Variants in GPR158 observed in about 807,000 individuals in gnomAD.
GPR158 encodes metabotropic glycine receptor.
A neutral mutation model predicts 78.2 loss-of-function variants in GPR158; 30 were observed. The ratio of observed to expected loss-of-function variants is 0.38; its 90% CI spans 0.29 to 0.52. GPR158 has a LOEUF of 0.52. Among genes scored for constraint, GPR158 ranks in the 20% least tolerant of loss-of-function variants. The pLI is 0.83. For missense variants in GPR158, 1,463 were observed against 1,523.5 expected (o/e 0.96, Z 0.66); for synonymous variants, 581 against 591.1 (o/e 0.98, Z 0.25).
At chr10:25,301,374 T>C (rs1272780732) in intron 2 of GPR158, among the ~76,000 whole-genome samples, 1 of 152,138 alleles carries the variant, frequency 6.6e-6, no homozygotes, top group African/African-American at 2.4e-5. Context: ...AGAAATGAAA[T>C]AGAGAATGTC....
chr10:25,462,655 C>A (rs1374026852), intron 4 of GPR158, among the ~76,000 whole-genome samples: 1 of 152,096 alleles, frequency 6.6e-6, no homozygotes, highest in African/African-American at 2.4e-5. Context: ...TTGATTCTAA[C>A]CCTCATGGAT....
intron 3 of GPR158, among the ~76,000 whole-genome samples, chr10:25,407,888 A>G (rs1241660760): frequency 6.6e-6 from 1 of 152,158 alleles, no homozygotes; most frequent in Admixed American, 6.5e-5. Context: ...TTAATTACAT[A>G]AAGCATATCA....
At position 25,598,062 on chromosome 10, in the gene GPR158, C is replaced by T. The variant is rs1448125210; in HGVS notation, c.2436C>T (p.Phe812=). The part of the protein sequence containing the change: ...SKEETLKNRV[F]SLKKSHSTYD... ...AGGAGACCCTGAAAAACCGAGTCTT[C>T]TCACTCAAGAAATCCCACAGCACTT... Residue 812 remains phenylalanine, a synonymous_variant, in exon 11 of 11, where the codon TTC becomes TTT. Transcript: ENST00000376351. The T allele has an allele frequency of 6.2e-7, 1 of 1,614,090 alleles. No individual in the cohort carries two copies. Among genetic ancestry groups the T allele is most frequent in the Admixed American group, 1.7e-5 (1 of 60,030 alleles).
At chr10:25,309,489 G>C (rs60484583) in intron 2 of GPR158, among the ~76,000 whole-genome samples, 2 of 151,756 alleles carry the variant, frequency 1.3e-5, no homozygotes, top group Non-Finnish European at 2.9e-5. Context: ...AAATTTTTCT[G>C]TTATTCCTTT....
chr10:25,399,018 T>C (rs1834405343), intron 3 of GPR158, among the ~76,000 whole-genome samples: 1 of 152,134 alleles, frequency 6.6e-6, no homozygotes, highest in Non-Finnish European at 1.5e-5. Context: ...TATGAAGAAA[T>C]AGTCAAGACT....
chr10:25,480,240 C>T (rs1024964802), intron 5 of GPR158, among the ~76,000 whole-genome samples: 2 of 152,002 alleles, frequency 1.3e-5, no homozygotes, highest in Non-Finnish European at 2.9e-5. Flanking sequence ...CTTATCTGCC[C>T]CCTTCCCACC....
intron 2 of GPR158, among the ~76,000 whole-genome samples, chr10:25,255,641 A>G (rs1032311994): frequency 6.6e-6 from 1 of 152,218 alleles, no homozygotes; most frequent in Non-Finnish European, 1.5e-5. Flanking sequence ...CTCAGCTTCT[A>G]GAGGCTGCCC....
At chr10:25,505,698 C>T (rs1175057203) in intron 5 of GPR158, among the ~76,000 whole-genome samples, 1 of 152,154 alleles carries the variant, frequency 6.6e-6, no homozygotes, top group Admixed American at 6.6e-5. Flanking sequence ...CTGTTAGCAC[C>T]CTCTACTCCA....
At chr10:25,489,039 T>C (rs80107520) in intron 5 of GPR158, among the ~76,000 whole-genome samples, 2,181 of 152,252 alleles carry the variant, frequency 0.014, 57 homozygotes, top group African/African-American at 0.047. Flanking sequence ...TTTTAATGTA[T>C]AACAAAATGC....
chr10:25,196,863 C>G (rs575992551), intron 1 of GPR158, among the ~76,000 whole-genome samples: 1 of 152,202 alleles, frequency 6.6e-6, no homozygotes, highest in Non-Finnish European at 1.5e-5. Flanking sequence ...ATTTAATCAC[C>G]TTGATGCCTG....
At chr10:25,337,177 A>G (rs1855220846) in intron 2 of GPR158, among the ~76,000 whole-genome samples, 1 of 152,110 alleles carries the variant, frequency 6.6e-6, no homozygotes, top group Non-Finnish European at 1.5e-5. Context: ...TTTAAGAAAG[A>G]CATACATATA....
intron 5 of GPR158, among the ~76,000 whole-genome samples, chr10:25,540,079 AG>A (rs1222216271): frequency 6.6e-6 from 1 of 152,048 alleles, no homozygotes. Flanking sequence ...GAATCTACAA[AG>A]AACTCAAACA....
intron 2 of GPR158, among the ~76,000 whole-genome samples, chr10:25,239,324 G>A (rs1376971362): frequency 6.6e-6 from 1 of 152,126 alleles, no homozygotes; most frequent in East Asian, 1.9e-4. Context: ...ATAGGGGCCA[G>A]GCATGGTGGC....
At chr10:25,565,761 G>A (rs958234525) in intron 6 of GPR158, among the ~76,000 whole-genome samples, 4 of 152,184 alleles carry the variant, frequency 2.6e-5, no homozygotes, top group Non-Finnish European at 2.9e-5. Flanking sequence ...TAACGCTTAA[G>A]GTTCTTGCCT....
At chr10:25,507,524 T>C (rs1836029440) in intron 5 of GPR158, among the ~76,000 whole-genome samples, 3 of 152,336 alleles carry the variant, frequency 2.0e-5, no homozygotes, top group South Asian at 2.1e-4. Flanking sequence ...ATCTATGCCA[T>C]GCTGCACAGA....
At chr10:25,416,641 G>C (rs547906384) in intron 4 of GPR158, among the ~76,000 whole-genome samples, 3 of 152,032 alleles carry the variant, frequency 2.0e-5, no homozygotes, top group African/African-American at 2.4e-5. Context: ...TTGTAATATA[G>C]GAATAAGTTT....
At chr10:25,588,583 A>G (rs1837301047) in intron 7 of GPR158, among the ~76,000 whole-genome samples, 1 of 152,232 alleles carries the variant, frequency 6.6e-6, no homozygotes, top group South Asian at 2.1e-4. Flanking sequence ...TTAGAACTTA[A>G]ATTTCTAGAA....
intron 3 of GPR158, among the ~76,000 whole-genome samples, chr10:25,403,426 C>A (rs1038138771): frequency 6.6e-6 from 1 of 151,948 alleles, no homozygotes; most frequent in East Asian, 1.9e-4. Flanking sequence ...TTTCTCAAGG[C>A]AACACTCATA....
chr10:25,358,268 G>A (rs1855579982), intron 2 of GPR158, among the ~76,000 whole-genome samples: 1 of 152,036 alleles, frequency 6.6e-6, no homozygotes, highest in African/African-American at 2.4e-5. Flanking sequence ...GTGGACTTTG[G>A]AGTTAATGCT....
Sources: allele counts gnomAD v4.1 joint callset (sites outside exome capture counted in the v4.1 genomes callset), GRCh38; gene constraint gnomAD v4.1.1; transcripts MANE v1.5; gene names NCBI Gene and HGNC (gene_info 2026-07-23, HGNC 2026-07-21).